MRPS6: variants seen among roughly 807,000 people sequenced by gnomAD.
MRPS6 encodes mitochondrial ribosomal protein S6.
MRPS6 carries 6 observed loss-of-function variants against 13.1 expected under a neutral mutation model. The observed-to-expected ratio is 0.46, with a 90% CI of 0.25 to 0.91. The LOEUF is 0.91. Ranked by LOEUF, MRPS6 falls within the 40% of genes least tolerant of loss-of-function variation. The probability of loss-of-function intolerance (pLI) is 0.18; values close to 1 mark genes in which losing one functional copy is unlikely to be tolerated. For synonymous variants in MRPS6, 61 were observed against 56.5 expected, an observed-to-expected ratio of 1.08 and a Z score of -0.36; for missense variants, 164 against 155.6, an observed-to-expected ratio of 1.05 and a Z score of -0.29.
At chr21:34,099,074 A>G in intron 1 of MRPS6, 1 of 999,446 alleles carries the variant, frequency 1.0e-6, no homozygotes, top group Non-Finnish European at 1.2e-6. Context: ...AGAAATTGTC[A>G]GGTAGCATAG....
At position 34,073,928 on chromosome 21, in the gene MRPS6, C is replaced by T. The variant is rs866605004; in HGVS notation, c.45+183C>T. Among the ~76,000 whole-genome samples, 865 of 145,300 alleles carry T rather than the reference C, an allele frequency of 6.0e-3. 7 individuals carry two copies. Among genetic ancestry groups the T allele is most frequent in the African/African-American group, 0.02 (832 of 40,638 alleles). ...GGGGCGCGCGTGGGCCGGCCGGGCC[C>T]GGCCGCGTGCGCGCGGGAGGCGGGG... On this transcript the variant is annotated intron_variant, in intron 1 of 2. Transcript: ENST00000399312.
chr21:34,096,990 C>T lies in MRPS6; in HGVS notation c.45+23245C>T, dbSNP rs543619564. 1.2e-4 allele frequency: 186 copies of T among 1,614,132 alleles called. No homozygotes were observed. Among genetic ancestry groups the T allele is most frequent in the Admixed American group, 8.5e-4 (51 of 60,024 alleles). On this transcript the variant is annotated intron_variant, in intron 1 of 2. Coordinates refer to ENST00000399312, the MANE Select transcript of MRPS6 (RefSeq NM_032476.4). The surrounding 1 kb of genome is among the most constrained non-coding windows in gnomAD (Gnocchi z 5.9). The stretch of plus-strand genomic sequence containing the variant: ...GAAATCTGAAGACAGCATTAAGGGC[C>T]TTCAGCCTGAAGATGTTAATCTGTT...
At chr21:34,102,907 C>A in intron 1 of MRPS6, 1 of 999,484 alleles carries the variant, frequency 1.0e-6, no homozygotes, top group Non-Finnish European at 1.2e-6. Context: ...CACAAGTTGG[C>A]AGTAGGTATC....
chr21:34,080,135 G>C (rs1268970758), intron 1 of MRPS6, among the ~76,000 whole-genome samples: 1 of 152,134 alleles, frequency 6.6e-6, no homozygotes, highest in Admixed American at 6.5e-5. Context: ...AAATACGCTT[G>C]TAGTGCAAAT....
At position 34,104,402 on chromosome 21, in the gene MRPS6, G is replaced by T. The variant is rs1208138840; in HGVS notation, c.46-20939G>T. 5 of 1,000,014 alleles carry T rather than the reference G, an allele frequency of 5.0e-6. No individual in the cohort carries two copies. In the African/African-American group the frequency reaches 8.7e-5, roughly 17 times the overall value. The allele number at this position is 1,000,014 out of a possible 1,614,324, so 61.9% of individuals were successfully genotyped here. ...CACCTCCGAGTAGCTTGTTTATCAA[G>T]AATGAATGAATGTCTTTGTCTTAAA... On this transcript the variant is annotated intron_variant, in intron 1 of 2. Transcript: ENST00000399312.
At chr21:34,129,182 G>T (rs1042609387) in intron 2 of MRPS6, among the ~76,000 whole-genome samples, 2 of 152,118 alleles carry the variant, frequency 1.3e-5, no homozygotes, top group East Asian at 1.9e-4. Flanking sequence ...CTATAAAGGG[G>T]CAGGCATCTT....
intron 2 of MRPS6, chr21:34,135,851 G>A (rs1980679039): frequency 3.6e-6 from 2 of 554,256 alleles, no homozygotes; most frequent in Admixed American, 4.5e-5. Flanking sequence ...TCCACAATGG[G>A]GCACTGAGCT....
intron 1 of MRPS6, among the ~76,000 whole-genome samples, chr21:34,076,224 C>G (rs1019502287): frequency 2.6e-5 from 4 of 152,176 alleles, no homozygotes; most frequent in African/African-American, 9.7e-5. Flanking sequence ...CAGTACTCAG[C>G]CTGGAGAGCA....
rs780279957 is a variant in MRPS6 at position 34,113,132 on chromosome 21, G to A, written c.46-12209G>A. ...TGGAGAAAAGGAACTGTTGCACACC[G>A]TTGGTGGGAATAAATTAGTACAGCC... is the stretch of plus-strand genomic sequence containing the variant. On this transcript the variant is annotated intron_variant, in intron 1 of 2. Coordinates refer to ENST00000399312, the MANE Select transcript of MRPS6 (RefSeq NM_032476.4). Among the ~76,000 whole-genome samples the A allele has an allele frequency of 6.6e-5, 10 of 152,282 alleles. No individual in the cohort carries two copies. The East Asian group carries it at 7.7e-4, about 12-fold the overall frequency.
intron 1 of MRPS6, among the ~76,000 whole-genome samples, chr21:34,083,072 CTTTGT>C (rs1989495763): frequency 6.6e-6 from 1 of 152,146 alleles, no homozygotes. Context: ...CTGGTTTTGT[CTTTGT>C]TTTGACTTGA....
In MRPS6 at chr21:34,113,610, C is replaced by G. The variant is rs148880244; in HGVS notation, c.46-11731C>G. Among the ~76,000 whole-genome samples, 111 of 152,280 alleles carry G rather than the reference C, an allele frequency of 7.3e-4. 1 individual carries two copies. In the East Asian group the frequency reaches 0.021, roughly 29 times the overall value. On this transcript the variant is annotated intron_variant, in intron 1 of 2. Transcript: ENST00000399312. ...ATAGAGCAGTCCATCAGGTGCCTTC[C>G]TCCCACCACTTGAATTTAAGCATCA...
intron 1 of MRPS6, among the ~76,000 whole-genome samples, chr21:34,081,081 TAATG>T (rs1989448302): frequency 6.6e-6 from 1 of 152,186 alleles, no homozygotes; most frequent in Admixed American, 6.5e-5. Context: ...GTCATTAAAA[TAATG>T]ACTGTAGAAT....
intron 1 of MRPS6, among the ~76,000 whole-genome samples, chr21:34,109,828 A>G (rs920465011): frequency 3.3e-5 from 5 of 152,122 alleles, no homozygotes; most frequent in African/African-American, 1.2e-4. Context: ...ATCCTGCACA[A>G]TATGTGCATC....
At chr21:34,107,554 C>T (rs1979528561) in intron 1 of MRPS6, among the ~76,000 whole-genome samples, 1 of 152,146 alleles carries the variant, frequency 6.6e-6, no homozygotes, top group Non-Finnish European at 1.5e-5. Context: ...CAAACTTGAA[C>T]CCCTAGTTTT....
intron 2 of MRPS6, among the ~76,000 whole-genome samples, chr21:34,128,166 G>T (rs534714762): frequency 1.9e-4 from 29 of 152,284 alleles, no homozygotes; most frequent in African/African-American, 6.7e-4. Flanking sequence ...GTGGTTCCTG[G>T]TCTCAAGGAG....
intron 2 of MRPS6, among the ~76,000 whole-genome samples, chr21:34,132,026 C>T (rs1231221604): frequency 3.3e-5 from 5 of 152,202 alleles, no homozygotes; most frequent in Non-Finnish European, 7.3e-5. Flanking sequence ...CTGGAAGCAA[C>T]CAGGAATTGG....
intron 1 of MRPS6, chr21:34,102,340 A>C (rs1979278066): frequency 7.0e-6 from 7 of 999,384 alleles, no homozygotes; most frequent in Non-Finnish European, 7.2e-6. Flanking sequence ...TTACTGATTC[A>C]CCTTTAAAGG....
intron 1 of MRPS6, among the ~76,000 whole-genome samples, chr21:34,093,950 C>A (rs541799636): frequency 2.4e-4 from 37 of 152,064 alleles, no homozygotes; most frequent in Non-Finnish European, 4.6e-4. Flanking sequence ...CTTCTGAAAA[C>A]TTTTCTCCTC....
intron 1 of MRPS6, among the ~76,000 whole-genome samples, chr21:34,117,035 CCCACACTAGAAGTAGCTGT>C (rs1312809431): frequency 6.6e-6 from 1 of 152,096 alleles, no homozygotes; most frequent in Non-Finnish European, 1.5e-5. Context: ...TGACTGATTC[CCCACACTAGAAGTAGCTGT>C]GGAGTTAAAG....
Sources: gnomAD v4.1 joint callset for allele counts (sites outside exome capture counted in the v4.1 genomes callset) on GRCh38, gnomAD v4.1.1 for gene constraint, Gnocchi (gnomAD v3.1) non-coding constraint, MANE v1.5 for transcripts, NCBI Gene and HGNC (gene_info 2026-07-23, HGNC 2026-07-21) for gene names.